The following PDE8B variants were observed in gnomAD, a reference collection of about 807,000 sequenced individuals.
PDE8B encodes high affinity cAMP-specific and IBMX-insensitive 3',5'-cyclic phosphodiesterase 8B.
PDE8B carries 26 observed loss-of-function variants against 101.3 expected under a neutral mutation model. That is an observed-to-expected ratio of 0.26 (90% CI 0.19 to 0.36). PDE8B has a LOEUF of 0.36. PDE8B is among the 10% of genes least tolerant of loss of function. The pLI, the probability that PDE8B is intolerant of heterozygous loss-of-function variation, is 1.00. For synonymous variants in PDE8B, 424 were observed against 429.3 expected (o/e 0.99, Z 0.15); for missense variants, 810 against 1,163.1 (o/e 0.70, Z 4.42).
intron 1 of PDE8B, among the ~76,000 whole-genome samples, chr5:77,253,231 T>C (rs1758429134): frequency 6.6e-6 from 1 of 152,204 alleles, no homozygotes; most frequent in African/African-American, 2.4e-5. Context: ...TGCGATCTTA[T>C]TGTAAATGAG....
chr5:77,375,129 C>T (rs1282552623), intron 10 of PDE8B, among the ~76,000 whole-genome samples: 2 of 152,186 alleles, frequency 1.3e-5, no homozygotes, highest in African/African-American at 2.4e-5. Context: ...TGCCATTGCC[C>T]CTGATGTGGA....
chr5:77,181,187 C>G, the PDE8B span, among the ~76,000 whole-genome samples: 1 of 151,742 alleles, frequency 6.6e-6, no homozygotes, highest in African/African-American at 2.4e-5. Flanking sequence ...CCCGCCTCAT[C>G]CCCTGTGGGA....
chr5:77,155,006 A>G, the PDE8B span, among the ~76,000 whole-genome samples: 1 of 152,152 alleles, frequency 6.6e-6, no homozygotes, highest in Non-Finnish European at 1.5e-5. Context: ...GGACTATGGC[A>G]AATTGGGGCA....
chr5:77,280,803 A>G (rs1320005652), intron 1 of PDE8B, among the ~76,000 whole-genome samples: 1 of 152,240 alleles, frequency 6.6e-6, no homozygotes, highest in Admixed American at 6.5e-5. Flanking sequence ...AGGCTGAGGC[A>G]GGAGAATCGC....
chr5:77,340,112 T>G (rs1487120380), intron 6 of PDE8B, among the ~76,000 whole-genome samples: 4 of 152,226 alleles, frequency 2.6e-5, no homozygotes, highest in Non-Finnish European at 5.9e-5. Context: ...TTTAGCTACT[T>G]AGCAGGAGTT....
At chr5:77,153,573 T>C in the PDE8B span, among the ~76,000 whole-genome samples, 1 of 123,678 alleles carries the variant, frequency 8.1e-6, no homozygotes, top group Non-Finnish European at 1.7e-5. Context: ...AGCTTTACTC[T>C]TTTTTTTTTT....
intron 8 of PDE8B, among the ~76,000 whole-genome samples, chr5:77,349,936 G>A (rs533110881): frequency 1.3e-5 from 2 of 152,228 alleles, no homozygotes; most frequent in South Asian, 4.2e-4. Context: ...TTATAGGTAG[G>A]CCAGGTTTTT....
Position 77,344,897 on chromosome 5 carries a change from C to G in PDE8B, c.842C>G (p.Ala281Gly). The change falls in exon 7 of 22, where the codon GCC becomes GGC. Residue 281 changes from alanine to glycine, a missense_variant. Around this residue, in one of 4 missense-constraint regions of PDE8B, gnomAD observed 251 missense variants for 378.8 expected, o/e 0.66. Transcript: ENST00000264917. ...ACAGCATTAGATCACTGTCATGAAG[C>G]CATAGAAATAACAAGCGATGACCAC... ...VFTALDHCHE[A>G]IEITSDDHVI... is the part of the protein sequence containing the mutation. 6.2e-7 allele frequency: 1 copy of G among 1,611,452 alleles called. No individual in the cohort carries two copies.
intron 1 of PDE8B, among the ~76,000 whole-genome samples, chr5:77,214,440 G>C (rs530445509): frequency 2.6e-5 from 4 of 152,320 alleles, no homozygotes; most frequent in African/African-American, 4.8e-5. Context: ...TGGCCAGACT[G>C]TGTTGTAGGT....
chr5:77,264,411 T>G (rs1761258963), intron 1 of PDE8B, among the ~76,000 whole-genome samples: 1 of 152,220 alleles, frequency 6.6e-6, no homozygotes. Flanking sequence ...TATCTTCACA[T>G]TTTTGCCAAC....
chr5:77,126,611 G>A, the PDE8B span, among the ~76,000 whole-genome samples: 2 of 151,998 alleles, frequency 1.3e-5, 1 homozygote, highest in South Asian at 4.2e-4. Flanking sequence ...TTGTTGTCAG[G>A]GTCTCTCCAT....
chr5:77,387,279 G>GT (rs1283207882), intron 10 of PDE8B, among the ~76,000 whole-genome samples: 19 of 152,096 alleles, frequency 1.2e-4, no homozygotes, highest in Admixed American at 1.1e-3. Flanking sequence ...AAATCTCTCG[G>GT]TATTTGCTTG....
At chr5:77,394,598 A>G (rs544281859) in intron 10 of PDE8B, among the ~76,000 whole-genome samples, 8 of 152,362 alleles carry the variant, frequency 5.3e-5, no homozygotes, top group Non-Finnish European at 1.0e-4. Flanking sequence ...AATATTGCTC[A>G]AAGGGCAGAT....
chr5:77,126,449 A>C, the PDE8B span, among the ~76,000 whole-genome samples: 1 of 152,274 alleles, frequency 6.6e-6, no homozygotes, highest in East Asian at 1.9e-4. Context: ...TTTTTGAGAC[A>C]GGGTCTCTTT....
At chr5:77,165,564 C>CAACAAAAACAAA in the PDE8B span, 1 of 152,106 alleles carries the variant, frequency 6.6e-6, no homozygotes, top group African/African-American at 2.4e-5. Flanking sequence ...ACTGCAACAA[C>CAACAAAAACAAA]AACAAAAACA....
intron 10 of PDE8B, among the ~76,000 whole-genome samples, chr5:77,367,389 G>A (rs1268461325): frequency 6.6e-6 from 1 of 152,118 alleles, no homozygotes; most frequent in East Asian, 1.9e-4. Context: ...AGTGGCCAGT[G>A]CAGAAGTTAT....
the PDE8B span, among the ~76,000 whole-genome samples, chr5:77,169,452 C>G: frequency 6.6e-6 from 1 of 152,186 alleles, no homozygotes; most frequent in Non-Finnish European, 1.5e-5. Flanking sequence ...TTTGTGTCTC[C>G]AAGTTCCAAG....
chr5:77,194,805 A>G, the PDE8B span, among the ~76,000 whole-genome samples: 2 of 152,208 alleles, frequency 1.3e-5, no homozygotes, highest in African/African-American at 4.8e-5. Context: ...ATTCCATTGT[A>G]TGGATATACC....
intron 5 of PDE8B, among the ~76,000 whole-genome samples, chr5:77,335,649 C>G (rs1206990562): frequency 6.6e-6 from 1 of 151,988 alleles, no homozygotes; most frequent in Non-Finnish European, 1.5e-5. Context: ...ATACATCTTT[C>G]AGCAGGGCCT....
Sources: allele counts gnomAD v4.1 joint callset (sites outside exome capture counted in the v4.1 genomes callset), GRCh38; gene constraint gnomAD v4.1.1; regional missense constraint gnomAD v4.1.1; transcripts MANE v1.5; gene names NCBI Gene and HGNC (gene_info 2026-07-23, HGNC 2026-07-21).